DAB1: variants seen among roughly 807,000 people sequenced by gnomAD.
DAB1 encodes the protein DAB adaptor protein 1.
Under a neutral mutation model 64.6 loss-of-function variants are expected in DAB1, and 15 were observed. The ratio of observed to expected loss-of-function variants is 0.23; its 90% confidence interval spans 0.16 to 0.36. The LOEUF (loss-of-function observed/expected upper bound fraction) is 0.36. Ranked by LOEUF, DAB1 falls within the 10% of genes least tolerant of loss-of-function variation. DAB1 has a pLI of 1.00. For synonymous variants in DAB1, 235 were observed against 251.9 expected (o/e 0.93, Z 0.64); for missense variants, 596 against 706.7 (o/e 0.84, Z 1.78).
At chr1:57,223,401 T>C (rs553189320) in intron 2 of DAB1, among the ~76,000 whole-genome samples, 1 of 152,328 alleles carries the variant, frequency 6.6e-6, no homozygotes, top group Admixed American at 6.5e-5. Context: ...TCTAGAGTTC[T>C]AGAGTTGAAA....
chr1:57,370,615 G>GA (rs5774340), intron 1 of DAB1, among the ~76,000 whole-genome samples: 11,699 of 142,620 alleles, frequency 0.082, 607 homozygotes, highest in South Asian at 0.24. Flanking sequence ...GACAAACAGA[G>GA]AAAAAAAAAA....
chr1:58,099,675 G>A (rs1177780539), intron 5 of DAB1, among the ~76,000 whole-genome samples: 1 of 152,194 alleles, frequency 6.6e-6, no homozygotes, highest in Admixed American at 6.5e-5. Context: ...CTGGTGCCAC[G>A]CTCTGTGCTG....
intron 6 of DAB1, among the ~76,000 whole-genome samples, chr1:57,682,138 A>G (rs79225136): frequency 0.013 from 1,982 of 152,194 alleles, 63 homozygotes; most frequent in African/African-American, 0.046. Context: ...CATGGAAGGG[A>G]TAGAAATATT....
downstream of DAB1, among the ~76,000 whole-genome samples, chr1:57,825,887 T>C (rs752946263): frequency 6.6e-6 from 1 of 152,172 alleles, no homozygotes; most frequent in Non-Finnish European, 1.5e-5. Context: ...CTTGGTGCCA[T>C]TTCTGATCTC....
chr1:57,381,100 G>A (rs889549036), intron 1 of DAB1, among the ~76,000 whole-genome samples: 1 of 152,100 alleles, frequency 6.6e-6, no homozygotes, highest in Non-Finnish European at 1.5e-5. Context: ...CCAAAGGGCC[G>A]TTTCTACATG....
chr1:57,662,354 G>A (rs1054131678), intron 6 of DAB1, among the ~76,000 whole-genome samples: 3 of 152,022 alleles, frequency 2.0e-5, no homozygotes, highest in Admixed American at 6.6e-5. Context: ...GCGCCACCAC[G>A]CCCGGCTAAT....
chr1:58,093,294 G>A (rs995840546), intron 5 of DAB1, among the ~76,000 whole-genome samples: 7 of 152,192 alleles, frequency 4.6e-5, no homozygotes, highest in African/African-American at 9.6e-5. Flanking sequence ...TGTAGGGGCA[G>A]AAGGTAATTC....
intron 7 of DAB1, among the ~76,000 whole-genome samples, chr1:57,469,354 C>T (rs1687063568): frequency 6.6e-6 from 1 of 152,164 alleles, no homozygotes; most frequent in Non-Finnish European, 1.5e-5. Flanking sequence ...GGCTGGCTGG[C>T]TTCCAGTCAC....
intron 6 of DAB1, among the ~76,000 whole-genome samples, chr1:57,713,860 G>GAGACAT (rs1647053315): frequency 6.6e-6 from 1 of 152,116 alleles, no homozygotes; most frequent in Non-Finnish European, 1.5e-5. Context: ...AGAAGTGTCA[G>GAGACAT]AGACATAAAA....
chr1:58,472,990 T>C (rs1174292935), intron 3 of DAB1, among the ~76,000 whole-genome samples: 2 of 152,180 alleles, frequency 1.3e-5, no homozygotes, highest in South Asian at 2.1e-4. Flanking sequence ...GGGTGTTCTA[T>C]GGGCAGGTGT....
At chr1:57,644,795 T>C (rs1406605572) in intron 7 of DAB1, among the ~76,000 whole-genome samples, 1 of 152,176 alleles carries the variant, frequency 6.6e-6, no homozygotes, top group Admixed American at 6.5e-5. Flanking sequence ...ATGCTAGAGC[T>C]TGAAGCCCAC....
At chr1:57,327,983 G>A (rs1676317865) in intron 1 of DAB1, among the ~76,000 whole-genome samples, 1 of 152,150 alleles carries the variant, frequency 6.6e-6, no homozygotes. Context: ...ACCCCAGAAA[G>A]TCATTTTCTG....
At chr1:57,831,537 CT>C (rs5774372) in intron 1 of DAB1, among the ~76,000 whole-genome samples, 25,190 of 112,346 alleles carry the variant, frequency 0.22, 1,657 homozygotes, top group Admixed American at 0.33. Flanking sequence ...ATTTTCTTCT[CT>C]TTTTTTTTTT....
At chr1:58,493,836 T>G (rs1225551848) in intron 3 of DAB1, among the ~76,000 whole-genome samples, 5 of 151,916 alleles carry the variant, frequency 3.3e-5, no homozygotes, top group Non-Finnish European at 7.4e-5. Flanking sequence ...AAAATGGCCA[T>G]ACTGCCCAAG....
At chr1:57,819,416 C>A (rs1210862581) in intron 6 of DAB1, among the ~76,000 whole-genome samples, 1 of 152,174 alleles carries the variant, frequency 6.6e-6, no homozygotes, top group Non-Finnish European at 1.5e-5. Flanking sequence ...TGGTTTCTGT[C>A]TCCATTCTTT....
intron 4 of DAB1, among the ~76,000 whole-genome samples, chr1:57,123,382 C>T (rs1295597669): frequency 1.3e-5 from 2 of 152,102 alleles, no homozygotes; most frequent in Admixed American, 1.3e-4. Context: ...CCTATAGTGA[C>T]CATTATGAGC....
chr1:57,192,930 A>C (rs553885693), intron 2 of DAB1, among the ~76,000 whole-genome samples: 11 of 152,168 alleles, frequency 7.2e-5, no homozygotes, highest in Non-Finnish European at 1.6e-4. Context: ...TTTAAAATTC[A>C]TTTTAATTGA....
chr1:58,389,916 A>G (rs1307748175), intron 3 of DAB1, among the ~76,000 whole-genome samples: 2 of 152,080 alleles, frequency 1.3e-5, no homozygotes, highest in Non-Finnish European at 2.9e-5. Flanking sequence ...CACTAAGCTC[A>G]TGAGGTGGTA....
intron 6 of DAB1, among the ~76,000 whole-genome samples, chr1:57,734,577 A>C (rs1647594788): frequency 6.6e-6 from 1 of 152,150 alleles, no homozygotes; most frequent in African/African-American, 2.4e-5. Context: ...TTTTTTCATA[A>C]TACCTTTTTT....
Sources: gnomAD v4.1 joint callset for allele counts (sites outside exome capture counted in the v4.1 genomes callset) on GRCh38, gnomAD v4.1.1 for gene constraint, MANE v1.5 for transcripts, NCBI Gene and HGNC (gene_info 2026-07-23, HGNC 2026-07-21) for gene names.